The following TUT4 variants were observed in gnomAD, a reference collection of about 807,000 sequenced individuals.
TUT4 encodes the protein terminal uridylyltransferase 4.
A neutral mutation model predicts 192.2 loss-of-function variants in TUT4; 36 were observed. The ratio of observed to expected loss-of-function variants is 0.19; its 90% CI spans 0.14 to 0.25. The LOEUF is 0.25. Among genes scored for constraint, TUT4 ranks in the 10% least tolerant of loss-of-function variants. The probability of loss-of-function intolerance (pLI) is 1.00; values close to 1 mark genes in which losing one functional copy is unlikely to be tolerated. For missense variants in TUT4, 1,493 were observed against 1,957.2 expected (o/e 0.76, Z 4.47); for synonymous variants, 618 against 666.0 (o/e 0.93, Z 1.11).
intron 6 of TUT4, among the ~76,000 whole-genome samples, chr1:52,494,315 C>T (rs1024865953): frequency 6.6e-6 from 1 of 152,112 alleles, no homozygotes; most frequent in Non-Finnish European, 1.5e-5. Context: ...ATATAGACAA[C>T]TGGAAGCTTA....
At chr1:52,426,484 AG>A (rs1291746760) in intron 28 of TUT4, among the ~76,000 whole-genome samples, 1 of 152,182 alleles carries the variant, frequency 6.6e-6, no homozygotes, top group Non-Finnish European at 1.5e-5. Context: ...AGGGAATAAA[AG>A]GGAATAACTG....
chr1:52,464,563 T>A (rs1663565226), intron 16 of TUT4, among the ~76,000 whole-genome samples: 1 of 152,152 alleles, frequency 6.6e-6, no homozygotes, highest in South Asian at 2.1e-4. Context: ...CCTTAGCATA[T>A]CATCTGTAAC....
At chr1:52,450,843 A>G (rs1266456220) in intron 20 of TUT4, among the ~76,000 whole-genome samples, 1 of 152,198 alleles carries the variant, frequency 6.6e-6, no homozygotes, top group Non-Finnish European at 1.5e-5. Context: ...GAATACAGAC[A>G]AACCACCAAG....
chr1:52,540,746 C>T (rs1273689429), intron 1 of TUT4, among the ~76,000 whole-genome samples: 1 of 152,118 alleles, frequency 6.6e-6, no homozygotes, highest in African/African-American at 2.4e-5. Flanking sequence ...AGTTTATGTA[C>T]TAGAGTATGT....
chr1:52,471,484 T>C (rs1185275320), intron 14 of TUT4, among the ~76,000 whole-genome samples: 6 of 152,244 alleles, frequency 3.9e-5, no homozygotes, highest in Non-Finnish European at 5.9e-5. Context: ...TTTCCAATTA[T>C]GGCAATTTAC....
At chr1:52,498,855 C>G (rs550011399) in intron 4 of TUT4, among the ~76,000 whole-genome samples, 1 of 134,544 alleles carries the variant, frequency 7.4e-6, no homozygotes, top group African/African-American at 2.8e-5. Flanking sequence ...CCACTGCACT[C>G]CAGCCTGGGT....
intron 20 of TUT4, among the ~76,000 whole-genome samples, chr1:52,448,588 C>CAAAAAAAAA (rs1190767355): frequency 2.5e-5 from 1 of 40,806 alleles, no homozygotes; most frequent in Non-Finnish European, 4.8e-5. Context: ...GATTCTGTCT[C>CAAAAAAAAA]AAAAAAAAAA....
At chr1:52,473,525 A>G (rs376283293) in intron 13 of TUT4, among the ~76,000 whole-genome samples, 3 of 152,196 alleles carry the variant, frequency 2.0e-5, no homozygotes, top group African/African-American at 7.2e-5. Flanking sequence ...TTAAGTTCAA[A>G]CACATCCAGT....
intron 1 of TUT4, chr1:52,538,769 A>C (rs1254746797): frequency 6.6e-6 from 1 of 152,198 alleles, no homozygotes; most frequent in Non-Finnish European, 1.5e-5. Flanking sequence ...CCTGAATTAA[A>C]CATTTATTCT....
chr1:52,470,145 A>T (rs1665332379), intron 14 of TUT4, among the ~76,000 whole-genome samples: 1 of 152,100 alleles, frequency 6.6e-6, no homozygotes, highest in Non-Finnish European at 1.5e-5. Context: ...TGCCAGGAGC[A>T]TCTTGTAGTG....
At chr1:52,516,861 G>A (rs1678845885) in intron 2 of TUT4, among the ~76,000 whole-genome samples, 1 of 152,132 alleles carries the variant, frequency 6.6e-6, no homozygotes. Flanking sequence ...GCAAGGAACT[G>A]AGAGGGAGAC....
At position 52,527,064 on chromosome 1, in the gene TUT4, T is replaced by C. The variant is rs79009613; in HGVS notation, c.-93-691A>G. 8.8e-4 allele frequency among the ~76,000 whole-genome samples: 134 copies of C among 152,188 alleles called. 3 individuals are homozygous for C. The East Asian group carries it at 0.02, about 22-fold the overall frequency. ...AATCCCAATCTTTATGTGCTATAAA[T>C]GAATCCGTTTATGGAATCCTAAATG... On this transcript the variant is annotated intron_variant, in intron 1 of 29. Coordinates refer to ENST00000257177, the MANE Select transcript of TUT4 (RefSeq NM_001009881.3).
chr1:52,546,376 A>T (rs1688096771), intron 1 of TUT4, among the ~76,000 whole-genome samples: 1 of 152,214 alleles, frequency 6.6e-6, no homozygotes, highest in Admixed American at 6.5e-5. Context: ...TTAAAAAAGA[A>T]GGAAATTCTG....
chr1:52,479,004 G>C (rs1667802553), intron 11 of TUT4, among the ~76,000 whole-genome samples: 1 of 151,970 alleles, frequency 6.6e-6, no homozygotes, highest in Admixed American at 6.6e-5. Context: ...GAAAAAAAAA[G>C]AGTTGAGTAC....
At position 52,545,017 on chromosome 1, in the gene TUT4, A is replaced by G. The variant is rs374022945; in HGVS notation, c.-94+7914T>C. On this transcript the variant is annotated intron_variant, in intron 1 of 29. Coordinates refer to ENST00000257177, the MANE Select transcript of TUT4 (RefSeq NM_001009881.3). ...GGCTGCACTGAGCCATGATTGCGCC[A>G]CTGCACCCCAGCCTAGGGGACAGAG... is the stretch of plus-strand genomic sequence containing the variant. Among the ~76,000 whole-genome samples, 282 of 149,976 alleles carry G rather than the reference A, an allele frequency of 1.9e-3. 3 individuals are homozygous for G. Among genetic ancestry groups the G allele is most frequent in the Middle Eastern group, 0.017 (5 of 290 alleles).
chr1:52,509,199 T>G (rs184583009), intron 4 of TUT4, among the ~76,000 whole-genome samples: 2 of 152,276 alleles, frequency 1.3e-5, no homozygotes, highest in East Asian at 3.9e-4. Flanking sequence ...TAGCACAATC[T>G]TCCCCCCCTA....
intron 3 of TUT4, among the ~76,000 whole-genome samples, chr1:52,510,972 T>G (rs531176090): frequency 6.6e-6 from 1 of 152,348 alleles, no homozygotes; most frequent in East Asian, 1.9e-4. Flanking sequence ...ACTGAAACTT[T>G]AGCAATGCTT....
At chr1:52,481,253 T>A (rs1040977329) in intron 11 of TUT4, among the ~76,000 whole-genome samples, 170 bp downstream of exon 11, 3 of 152,162 alleles carry the variant, frequency 2.0e-5, no homozygotes, top group Non-Finnish European at 4.4e-5. Context: ...CATTAGAGAA[T>A]CTTGGTACTG....
intron 7 of TUT4, among the ~76,000 whole-genome samples, chr1:52,493,106 G>A (rs1032220316): frequency 7.2e-5 from 11 of 152,172 alleles, no homozygotes; most frequent in Admixed American, 2.0e-4. Flanking sequence ...TTTTCCAGAC[G>A]GAGTTTCACT....
Sources: allele counts gnomAD v4.1 joint callset (sites outside exome capture counted in the v4.1 genomes callset), GRCh38; gene constraint gnomAD v4.1.1; transcripts MANE v1.5; gene names NCBI Gene and HGNC (gene_info 2026-07-23, HGNC 2026-07-21).